The following TLE1 variants were observed in gnomAD, a reference collection of about 807,000 sequenced individuals.
TLE1 encodes the protein TLE family member 1, transcriptional corepressor.
TLE1 carries 21 observed loss-of-function variants against 89.8 expected under a neutral mutation model. The ratio of observed to expected loss-of-function variants is 0.23; its 90% confidence interval spans 0.17 to 0.34. The LOEUF is 0.34. TLE1 is among the 10% of genes least tolerant of loss of function. The pLI is 1.00. For synonymous variants in TLE1, 447 were observed against 407.6 expected, an observed-to-expected ratio of 1.10 and a Z score of -1.16; for missense variants, 795 against 1,031.2, an observed-to-expected ratio of 0.77 and a Z score of 3.14.
intron 14 of TLE1, among the ~76,000 whole-genome samples, chr9:81,604,726 A>G (rs147201560): frequency 1.1e-3 from 166 of 152,154 alleles, no homozygotes; most frequent in African/African-American, 3.8e-3. Context: ...TCCTGCCCCA[A>G]CTGAACTCTT....
At chr9:81,680,482 A>G (rs903490014) in intron 4 of TLE1, among the ~76,000 whole-genome samples, 2 of 152,170 alleles carry the variant, frequency 1.3e-5, no homozygotes, top group Non-Finnish European at 2.9e-5. Flanking sequence ...TTGAATTTTC[A>G]AAATATTGAT....
chr9:81,665,324 A>G (rs1325286633), intron 4 of TLE1, among the ~76,000 whole-genome samples: 2 of 152,186 alleles, frequency 1.3e-5, no homozygotes, highest in East Asian at 3.9e-4. Context: ...GAAACCCTTT[A>G]GTGGCTCAAC....
intron 14 of TLE1, among the ~76,000 whole-genome samples, chr9:81,598,880 C>G (rs2777780): frequency 0.45 from 68,805 of 151,962 alleles, 16,011 homozygotes; most frequent in African/African-American, 0.49. Context: ...GCAGAAGCAA[C>G]CAGAGGTCAC....
chr9:81,595,298 G>C (rs1830033477), intron 14 of TLE1, among the ~76,000 whole-genome samples: 1 of 152,058 alleles, frequency 6.6e-6, no homozygotes, highest in Non-Finnish European at 1.5e-5. Context: ...GGGATACTTG[G>C]AGTCATAATC....
At chr9:81,599,279 C>T (rs1830607916) in intron 14 of TLE1, among the ~76,000 whole-genome samples, 1 of 152,140 alleles carries the variant, frequency 6.6e-6, no homozygotes, top group Non-Finnish European at 1.5e-5. Context: ...AGACCAACTC[C>T]AGCTCAGCCC....
chr9:81,622,441 GT>G (rs11436586), intron 8 of TLE1, among the ~76,000 whole-genome samples: 9 of 151,422 alleles, frequency 5.9e-5, no homozygotes, highest in East Asian at 1.9e-4. Context: ...TTAATGTCTT[GT>G]TTTTTTTTGT....
chr9:81,684,106 A>G (rs1308200807), intron 4 of TLE1, among the ~76,000 whole-genome samples: 1 of 151,988 alleles, frequency 6.6e-6, no homozygotes, highest in Non-Finnish European at 1.5e-5. Flanking sequence ...TTACTCTTCC[A>G]TAATATCTGT....
In TLE1 at chr9:81,676,391, C is replaced by T. The variant is rs1156525480; in HGVS notation, c.234+9285G>A. 3.3e-5 allele frequency among the ~76,000 whole-genome samples: 5 copies of T among 152,178 alleles called. No homozygotes were observed. The East Asian group carries it at 5.8e-4, about 18-fold the overall frequency. On this transcript the variant is annotated intron_variant, in intron 4 of 19. Transcript: ENST00000376499. ...AAACAAGTGCTGTGACAGCCTGCCA[C>T]TGGGTAGTCCCAGGCCGCCTTGAAG...
chr9:81,610,157 C>A, intron 14 of TLE1, 63 bp downstream of exon 14: 1 of 1,419,466 alleles, frequency 7.0e-7, no homozygotes, highest in African/African-American at 1.4e-5. Context: ...GAATTCTAGT[C>A]TGCTAATACC....
In TLE1 at chr9:81,593,284, A is replaced by G. The variant is rs1173474971; in HGVS notation, c.1332-10T>C. 6.3e-7 allele frequency: 1 copy of G among 1,599,994 alleles called. No individual in the cohort carries two copies. The highest frequency in any genetic ancestry group is 1.1e-5 in the South Asian group (1 of 90,576). The stretch of plus-strand genomic sequence containing the variant: ...GTGGAAGGAGTATGCACTTTTGGAA[A>G]AACGATTGGAGAGAAGACAGAAAAC... On this transcript the variant is annotated splice_polypyrimidine_tract_variant and intron_variant, in intron 14 of 19. Coordinates refer to ENST00000376499, the MANE Select transcript of TLE1 (RefSeq NM_005077.5).
intron 1 of TLE1, among the ~76,000 whole-genome samples, 153 bp downstream of exon 1, chr9:81,688,064 C>A (rs1450983439): frequency 2.0e-5 from 3 of 152,152 alleles, no homozygotes; most frequent in South Asian, 4.1e-4. Context: ...CCACTCCCCA[C>A]CCCAGGAAGA....
At chr9:81,638,983 G>C (rs545855719) in intron 6 of TLE1, among the ~76,000 whole-genome samples, 17 of 152,194 alleles carry the variant, frequency 1.1e-4, no homozygotes, top group African/African-American at 3.9e-4. Flanking sequence ...GAGTGCAGCA[G>C]TGCAATCATG....
At chr9:81,611,286 T>C (rs963273417) in intron 13 of TLE1, among the ~76,000 whole-genome samples, 19 of 152,268 alleles carry the variant, frequency 1.2e-4, no homozygotes, top group African/African-American at 3.4e-4. Flanking sequence ...CCACTGCTTA[T>C]ATATAAGTCA....
At chr9:81,594,013 G>A (rs1829893003) in intron 14 of TLE1, among the ~76,000 whole-genome samples, 1 of 152,142 alleles carries the variant, frequency 6.6e-6, no homozygotes, top group Non-Finnish European at 1.5e-5. Context: ...GCTGTTGGAT[G>A]GCATTTTGAG....
chr9:81,669,576 G>A (rs1266499686), intron 4 of TLE1, among the ~76,000 whole-genome samples: 2 of 151,946 alleles, frequency 1.3e-5, no homozygotes, highest in South Asian at 4.1e-4. Flanking sequence ...CTCCTCACTT[G>A]TACATGCAAA....
chr9:81,643,629 G>A (rs1471936987), intron 6 of TLE1, among the ~76,000 whole-genome samples: 1 of 152,026 alleles, frequency 6.6e-6, no homozygotes. Flanking sequence ...TGAAGTCCCA[G>A]ACTCAAGCAA....
chr9:81,652,262 A>G lies in TLE1; in HGVS notation c.324T>C (p.Val108=), dbSNP rs114633202. 788 of 1,614,036 alleles carry G rather than the reference A, an allele frequency of 4.9e-4. 3 individuals carry two copies. In the African/African-American group the frequency reaches 9.1e-3, roughly 19 times the overall value. Residue 108 remains valine, a synonymous_variant, in exon 6 of 20, where the codon GTT becomes GTC. Transcript: ENST00000376499. ...CCATGGTCACCTGTTTGGCACGTTC[A>G]ACAGCCTGGGCCACCTGTTGTTGAT... The part of the protein sequence containing the change: ...QEHQQQVAQA[V]ERAKQVTMAE...
chr9:81,591,017 T>G lies in TLE1; in HGVS notation c.1617A>C (p.Leu539=), dbSNP rs1311772786. 1.2e-6 allele frequency: 2 copies of G among 1,614,218 alleles called. No homozygotes were observed. Among genetic ancestry groups the G allele is most frequent in the Admixed American group, 1.7e-5 (1 of 60,028 alleles). ...RDNYIRSCKL[L]PDGCTLIVGG... ...CCACTATGAGAGTGCAGCCATCGGG[T>G]AGCAATTTACAGGAACGGATATAAT... The change falls in exon 16 of 20, where the codon CTA becomes CTC. Residue 539 remains leucine (L), a synonymous_variant. Transcript: ENST00000376499.
intron 14 of TLE1, among the ~76,000 whole-genome samples, chr9:81,607,065 A>AT (rs1383223626): frequency 6.6e-6 from 1 of 151,578 alleles, no homozygotes; most frequent in Non-Finnish European, 1.5e-5. Flanking sequence ...GTCTCTAAAA[A>AT]AAAAAAAAAA....
Sources: allele counts gnomAD v4.1 joint callset (sites outside exome capture counted in the v4.1 genomes callset), GRCh38; gene constraint gnomAD v4.1.1; transcripts MANE v1.5; gene names NCBI Gene and HGNC (gene_info 2026-07-23, HGNC 2026-07-21).